The following THAP7 variants were observed in gnomAD, a reference collection of about 807,000 sequenced individuals.
The protein encoded by THAP7 is THAP domain containing 7, also known as THAP domain-containing protein 7.
A neutral mutation model predicts 29.2 loss-of-function variants in THAP7; 22 were observed. That is an observed-to-expected ratio of 0.75 (90% CI 0.54 to 1.08). THAP7 has a LOEUF of 1.08. THAP7 is among the 50% of genes least tolerant of loss of function. The probability of loss-of-function intolerance (pLI) is 0.00; values close to 1 mark genes in which losing one functional copy is unlikely to be tolerated. For missense variants in THAP7, 448 were observed against 416.2 expected (o/e 1.08, Z -0.66); for synonymous variants, 208 against 173.4 (o/e 1.20, Z -1.57).
At chr22:21,001,740 T>C (rs2075269) in intron 1 of THAP7, 92 bp downstream of exon 1, 359,612 of 1,352,244 alleles carry the variant, frequency 0.27, 49,371 homozygotes, top group African/African-American at 0.37. Context: ...CCTCAGTATC[T>C]GAGAAAGGCG....
Position 20,999,990 on chromosome 22 carries a change from T to C in THAP7, c.820A>G (p.Lys274Glu), listed in dbSNP as rs1489832628. ...TCCCGTGCCCGCTCCTGCTGCAGCT[T>C]GGTCAGTCTCAACCGCAGCCGCTGC... ...REQRLRLRLT[K>E]LQQERAREKR... The change falls in exon 4 of 4, where the codon AAG (lysine) becomes GAG (glutamate). Residue 274 changes from lysine to glutamate, a missense_variant. Transcript: ENST00000215742. 6.2e-7 allele frequency: 1 copy of C among 1,612,720 alleles called. No homozygotes were observed. Among genetic ancestry groups the C allele is most frequent in the African/African-American group, 1.3e-5 (1 of 74,938 alleles).
In THAP7 at chr22:21,001,281, C is replaced by A; in HGVS notation, c.211G>T (p.Asp71Tyr). 6.2e-7 allele frequency: 1 copy of A among 1,614,096 alleles called. No homozygotes were observed. The highest frequency in any genetic ancestry group is 8.5e-7 in the Non-Finnish European group (1 of 1,179,976). The change falls in exon 2 of 4, where the codon GAC becomes TAC. Residue 71 changes from aspartate to tyrosine, a missense_variant. Physicochemically the swap from Asp to Tyr is radical, Grantham distance 160. Coordinates refer to ENST00000215742, the MANE Select transcript of THAP7 (RefSeq NM_030573.3). ...CTGATTCCCACCAGCTCAAAGCAGTCCTCCTCAAAGTGTTTGGAGCAGAAG... is the reference window on the plus strand; with the variant it reads ...CTGATTCCCACCAGCTCAAAGCAGTACTCCTCAAAGTGTTTGGAGCAGAAG... ...IYFCSKHFEE[D>Y]CFELVGISGY...
Position 21,000,680 on chromosome 22 carries a change from G to GA in THAP7, c.343_344insT (p.Ala115ValfsTer2). Reference sequence around the variant, plus strand: ...GCATCGTCTGAGCCGGCTGACTTCAGCGGGGCCAGGTGGGTAACTGTGTCC... The same window carrying GA: ...GCATCGTCTGAGCCGGCTGACTTCAGACGGGGCCAGGTGGGTAACTGTGTCC... On this transcript the variant is annotated frameshift_variant, in exon 3 of 4. Transcript: ENST00000215742. LOFTEE classifies it high-confidence loss of function. The GA allele has an allele frequency of 6.2e-7, 1 of 1,614,172 alleles. No individual in the cohort carries two copies. Among genetic ancestry groups the GA allele is most frequent in the Non-Finnish European group, 8.5e-7 (1 of 1,180,024 alleles).
chr22:21,001,792 AGCGCATGCGCACGTGAGCCCGCG>A lies in THAP7; in HGVS notation c.80+17_80+39del, dbSNP rs1569161037. 4 of 1,532,532 alleles carry A rather than the reference AGCGCATGCGCACGTGAGCCCGCG, an allele frequency of 2.6e-6. No individual in the cohort carries two copies. The highest frequency in any genetic ancestry group is 2.5e-5 in the East Asian group (1 of 40,344). 94.9% of individuals were successfully genotyped at this position (1,532,532 alleles called of 1,614,324 possible). The stretch of plus-strand genomic sequence containing the variant: ...TTGCGACCCGAGGCGAGCAACAACT[AGCGCATGCGCACGTGAGCCCGCG>A]GCGCACGCGCGCTGACCTGTGGAAG... On this transcript the variant is annotated intron_variant, in intron 1 of 3. Transcript: ENST00000215742.
At chr22:21,001,758 T>C (rs918147158) in intron 1 of THAP7, 74 bp downstream of exon 1, 5 of 1,453,718 alleles carry the variant, frequency 3.4e-6, no homozygotes, top group South Asian at 1.3e-5. Flanking sequence ...GCGCGAAGCC[T>C]CTACGCAGTT....
At position 21,000,432 on chromosome 22, in the gene THAP7, G is replaced by A. The variant is rs1925094135; in HGVS notation, c.378C>T (p.Arg126=). 1.9e-6 allele frequency: 3 copies of A among 1,549,682 alleles called. No homozygotes were observed. Among genetic ancestry groups the A allele is most frequent in the Non-Finnish European group, 2.6e-6 (3 of 1,148,670 alleles). The change falls in exon 4 of 4, where the codon CGC becomes CGT. Residue 126 remains arginine, a splice_region_variant and synonymous_variant. Transcript: ENST00000215742. The part of the protein sequence containing the change: ...EVSRLRRCRK[R]CSEGRGPTTP... ...TTGTGGGCCCTCGGCCCTCGGAGCA[G>A]CTGGTAAGGGGGAAGAGAGAGACTG... is the stretch of plus-strand genomic sequence containing the variant.
At chr22:21,001,724 A>T in intron 1 of THAP7, 108 bp downstream of exon 1, 1 of 1,236,516 alleles carries the variant, frequency 8.1e-7, no homozygotes, top group Non-Finnish European at 1.1e-6. Flanking sequence ...CCACAGGTTC[A>T]AGCCTCCTCA....
At position 20,999,288 on chromosome 22, in the gene THAP7, G is replaced by A. The variant is rs918990852; in HGVS notation, c.*592C>T. Reference sequence around the variant, plus strand: ...GCTTGTTGGGGCTTTACTACCTGCTGACATGACCCAGGAGGTTGATGATTG... The same window carrying A: ...GCTTGTTGGGGCTTTACTACCTGCTAACATGACCCAGGAGGTTGATGATTG... On this transcript the variant is annotated 3_prime_UTR_variant, in exon 4 of 4. Coordinates refer to ENST00000215742, the MANE Select transcript of THAP7 (RefSeq NM_030573.3). The A allele has an allele frequency of 6.6e-6, 1 of 152,460 alleles. No individual in the cohort carries two copies. Among genetic ancestry groups the A allele is most frequent in the Non-Finnish European group, 1.5e-5 (1 of 68,316 alleles). 9.4% of individuals were successfully genotyped at this position (152,460 alleles called of 1,614,324 possible). A position where few individuals can be genotyped will look rare whatever the true frequency, so the allele number is the denominator to read the frequency against.
intron 3 of THAP7, 36 bp downstream of exon 3, chr22:21,000,611 G>A (rs753392104): frequency 2.5e-5 from 41 of 1,613,244 alleles, no homozygotes; most frequent in Non-Finnish European, 3.3e-5. Context: ...TCAGCCTAGG[G>A]GTGGGAGTGG....
intron 2 of THAP7, 79 bp downstream of exon 2, chr22:21,001,177 G>A: frequency 1.3e-6 from 2 of 1,570,570 alleles, no homozygotes; most frequent in African/African-American, 1.3e-5. Context: ...CTGCTCAAGG[G>A]ACTTCCATGA....
At position 21,000,420 on chromosome 22, in the gene THAP7, G is replaced by GC; in HGVS notation, c.389dup (p.Arg131ProfsTer14). 6.4e-7 allele frequency: 1 copy of GC among 1,550,882 alleles called. No homozygotes were observed. The highest frequency in any genetic ancestry group is 8.7e-7 in the Non-Finnish European group (1 of 1,148,676). ...GAGAAAATGGAGTTGTGGGCCCTCG[G>GC]CCCTCGGAGCAGCTGGTAAGGGGGA... is the stretch of plus-strand genomic sequence containing the variant. On this transcript the variant is annotated frameshift_variant, in exon 4 of 4. Coordinates refer to ENST00000215742, the MANE Select transcript of THAP7 (RefSeq NM_030573.3). LOFTEE classifies it high-confidence loss of function.
chr22:20,999,883 G>A lies in THAP7; in HGVS notation c.927C>T (p.Ala309=), dbSNP rs1183019991. The part of the protein sequence containing the change: ...DFAMQLSSSM[A] ...CCTCGGTCAGTCCAGCAGCCCCTCA[G>A]GCCATGCTGCTGCTCAGCTGCATGG... is the stretch of plus-strand genomic sequence containing the variant. Residue 309 remains alanine, a synonymous_variant, in exon 4 of 4, where the codon GCC becomes GCT. Coordinates refer to ENST00000215742, the MANE Select transcript of THAP7 (RefSeq NM_030573.3). The A allele has an allele frequency of 6.2e-7, 1 of 1,602,614 alleles. No homozygotes were observed. Among genetic ancestry groups the A allele is most frequent in the Admixed American group, 1.7e-5 (1 of 59,906 alleles).
rs1925094495 is a variant in THAP7 at position 21,000,435 on chromosome 22, G to T, written c.378-3C>A. 1.9e-6 allele frequency: 3 copies of T among 1,549,108 alleles called. No homozygotes were observed. Among genetic ancestry groups the T allele is most frequent in the Non-Finnish European group, 2.6e-6 (3 of 1,148,640 alleles). ...TGGGCCCTCGGCCCTCGGAGCAGCT[G>T]GTAAGGGGGAAGAGAGAGACTGATG... On this transcript the variant is annotated splice_polypyrimidine_tract_variant and splice_region_variant and intron_variant, in intron 3 of 3. Transcript: ENST00000215742.
Position 21,000,932 on chromosome 22 carries a change from C to G in THAP7, c.237-145G>C, listed in dbSNP as rs554950740. The G allele has an allele frequency of 3.1e-6, 4 of 1,287,774 alleles. No homozygotes were observed. The African/African-American group carries it at 4.4e-5, about 14-fold the overall frequency. The allele number at this position is 1,287,774 out of a possible 1,614,324, so 79.8% of individuals were successfully genotyped here. On this transcript the variant is annotated intron_variant, in intron 2 of 3. Transcript: ENST00000215742. The stretch of plus-strand genomic sequence containing the variant: ...AACGCCAAGTTACAGCTACACCAAT[C>G]GCTTCCCCGCAGGACTCCTCACAGT...
rs1925203867 is a variant in THAP7, at chr22:21,001,984, C to G, written c.-73G>C. 1.4e-6 allele frequency: 2 copies of G among 1,442,766 alleles called. No individual in the cohort carries two copies. Among genetic ancestry groups the G allele is most frequent in the Admixed American group, 2.3e-5 (1 of 44,158 alleles). The allele number at this position is 1,442,766 out of a possible 1,614,324, so 89.4% of individuals were successfully genotyped here. A position where few individuals can be genotyped will look rare whatever the true frequency, so the allele number is the denominator to read the frequency against. The stretch of plus-strand genomic sequence containing the variant: ...GGAGGAGCCTCGCGCCTCCAGCCGC[C>G]GCTCCTCCCCAAGGGGCTCTGGCCT... On this transcript the variant is annotated 5_prime_UTR_variant, in exon 1 of 4. Transcript: ENST00000215742.
At position 20,999,848 on chromosome 22, in the gene THAP7, C is replaced by T. The variant is rs1925039323; in HGVS notation, c.*32G>A. The T allele has an allele frequency of 6.4e-7, 1 of 1,571,664 alleles. No individual in the cohort carries two copies. The highest frequency in any genetic ancestry group is 1.7e-5 in the Admixed American group (1 of 57,328). ...GAGGGAGGAAGAGGCTGCAGTCTTG[C>T]TGGGCAGCCCCTCGGTCAGTCCAGC... On this transcript the variant is annotated 3_prime_UTR_variant, in exon 4 of 4. Coordinates refer to ENST00000215742, the MANE Select transcript of THAP7 (RefSeq NM_030573.3).
Position 20,999,606 on chromosome 22 carries a change from T to A in THAP7, c.*274A>T. ...GGGCACGGAGCTGCGCTAGCAGGGCTGACTGCCACCTGTCTACCAGTAGCT... is the reference window on the plus strand; with the variant it reads ...GGGCACGGAGCTGCGCTAGCAGGGCAGACTGCCACCTGTCTACCAGTAGCT... On this transcript the variant is annotated 3_prime_UTR_variant, in exon 4 of 4. Transcript: ENST00000215742. 1 of 502,480 alleles carries A rather than the reference T, an allele frequency of 2.0e-6. No homozygotes were observed. Among genetic ancestry groups the A allele is most frequent in the South Asian group, 2.5e-5 (1 of 40,688 alleles). 31.1% of individuals were successfully genotyped at this position (502,480 alleles called of 1,614,324 possible).
At chr22:21,001,626 T>C in intron 1 of THAP7, 4 of 888,718 alleles carry the variant, frequency 4.5e-6, no homozygotes, top group Non-Finnish European at 6.6e-6. Context: ...GGTAACAGAG[T>C]GGGGCGGGTC....
chr22:21,001,071 G>A, intron 2 of THAP7, 185 bp downstream of exon 2: 1 of 929,696 alleles, frequency 1.1e-6, no homozygotes. Context: ...CTCTGGAAAG[G>A]CTCCTGTTTT....
Sources: allele counts gnomAD v4.1 joint callset, GRCh38; gene constraint gnomAD v4.1.1; transcripts MANE v1.5; gene names NCBI Gene and HGNC (gene_info 2026-07-23, HGNC 2026-07-21).